NELL1: variants seen among roughly 807,000 people sequenced by gnomAD.
The protein encoded by NELL1 is neural EGFL like 1, also known as protein kinase C-binding protein NELL1.
NELL1 carries 76 observed loss-of-function variants against 107.4 expected under a neutral mutation model. The observed-to-expected ratio is 0.71, with a 90% CI of 0.59 to 0.86. The LOEUF (loss-of-function observed/expected upper bound fraction) is 0.86, where lower values mean the gene tolerates loss of function less well. Ranked by LOEUF, NELL1 falls within the 40% of genes least tolerant of loss-of-function variation. The pLI is 0.00. For missense variants in NELL1, 1,024 were observed against 1,005.5 expected (o/e 1.02, Z -0.25); for synonymous variants, 353 against 341.2 (o/e 1.03, Z -0.38).
At chr11:21,295,739 G>A (rs1373157313) in intron 14 of NELL1, among the ~76,000 whole-genome samples, 1 of 152,008 alleles carries the variant, frequency 6.6e-6, no homozygotes, top group Non-Finnish European at 1.5e-5. Flanking sequence ...TTGGAACTCA[G>A]TGTGGTAAAT....
intron 14 of NELL1, among the ~76,000 whole-genome samples, chr11:21,239,665 G>C (rs1041684715): frequency 4.6e-5 from 7 of 151,974 alleles, no homozygotes; most frequent in African/African-American, 1.4e-4. Context: ...GGAGGTATGA[G>C]GTATCATTAC....
chr11:21,334,053 T>C (rs556522197), intron 14 of NELL1, among the ~76,000 whole-genome samples: 1 of 152,224 alleles, frequency 6.6e-6, no homozygotes, highest in African/African-American at 2.4e-5. Flanking sequence ...ATTTTTAAAT[T>C]AAATCATTGT....
intron 15 of NELL1, among the ~76,000 whole-genome samples, chr11:21,456,713 T>G (rs2133866249): frequency 6.6e-6 from 1 of 152,176 alleles, no homozygotes; most frequent in Non-Finnish European, 1.5e-5. Context: ...CTATACAGAT[T>G]AAAAAATACT....
At chr11:21,538,240 T>G (rs1462474580) in intron 16 of NELL1, among the ~76,000 whole-genome samples, 1 of 152,178 alleles carries the variant, frequency 6.6e-6, no homozygotes, top group East Asian at 1.9e-4. Flanking sequence ...CATGTCACTC[T>G]ATGTCACTTT....
chr11:21,203,668 G>C (rs61251877), intron 13 of NELL1, among the ~76,000 whole-genome samples: 1 of 151,846 alleles, frequency 6.6e-6, no homozygotes, highest in Non-Finnish European at 1.5e-5. Context: ...ATGCTAGATG[G>C]GTATTTTTCC....
At chr11:21,326,859 A>G (rs1156472195) in intron 14 of NELL1, among the ~76,000 whole-genome samples, 1 of 151,706 alleles carries the variant, frequency 6.6e-6, no homozygotes, top group African/African-American at 2.4e-5. Context: ...TGGTTAATCT[A>G]TTTGCATTTA....
chr11:21,445,840 T>C (rs1028223376), intron 15 of NELL1, among the ~76,000 whole-genome samples: 1 of 152,200 alleles, frequency 6.6e-6, no homozygotes, highest in Non-Finnish European at 1.5e-5. Context: ...TAAAAGTGTC[T>C]TGTTGTTTTC....
chr11:20,747,286 C>T (rs1856026256), intron 2 of NELL1, among the ~76,000 whole-genome samples: 1 of 152,124 alleles, frequency 6.6e-6, no homozygotes, highest in African/African-American at 2.4e-5. Flanking sequence ...ACAGAATGTG[C>T]TGAATCTTTT....
At chr11:21,488,671 C>T (rs540996439) in intron 15 of NELL1, among the ~76,000 whole-genome samples, 202 of 152,170 alleles carry the variant, frequency 1.3e-3, no homozygotes, top group African/African-American at 4.7e-3. Context: ...AATTAAACAA[C>T]GTATTCCTAA....
At chr11:21,123,276 G>T (rs1178318926) in intron 13 of NELL1, among the ~76,000 whole-genome samples, 1 of 151,690 alleles carries the variant, frequency 6.6e-6, no homozygotes, top group Non-Finnish European at 1.5e-5. Flanking sequence ...GTAGTACTTG[G>T]ATAACTTACA....
At chr11:21,300,835 T>C (rs933406813) in intron 14 of NELL1, among the ~76,000 whole-genome samples, 4 of 152,124 alleles carry the variant, frequency 2.6e-5, no homozygotes, top group Non-Finnish European at 5.9e-5. Flanking sequence ...ACATGTCCCA[T>C]GTTGGCATGC....
At chr11:21,372,236 T>C (rs952471256) in intron 15 of NELL1, among the ~76,000 whole-genome samples, 1 of 151,992 alleles carries the variant, frequency 6.6e-6, no homozygotes, top group Non-Finnish European at 1.5e-5. Flanking sequence ...AGGACACATG[T>C]CTTTACTGAA....
In NELL1 at chr11:20,960,429, T is replaced by C. The variant is rs1851266829; in HGVS notation, c.1172-3T>C. The stretch of plus-strand genomic sequence containing the variant: ...GATGTACGTTTTTATTTGTTTTTTC[T>C]AGGTCATAACTTTTGTGCAGAAGGA... On this transcript the variant is annotated splice_polypyrimidine_tract_variant and splice_region_variant and intron_variant, in intron 11 of 19. Transcript: ENST00000357134. 6.2e-7 allele frequency: 1 copy of C among 1,612,646 alleles called. No homozygotes were observed. Among genetic ancestry groups the C allele is most frequent in the Admixed American group, 1.7e-5 (1 of 59,654 alleles).
At position 20,785,611 on chromosome 11, in the gene NELL1, G is replaced by GA. The variant is rs563265978; in HGVS notation, c.335+1784dup. ...TTCCCACAGCAGGTGAGAAGCATGT[G>GA]AAACAGTTGCTATTATATTAGAAAG... On this transcript the variant is annotated intron_variant, in intron 3 of 19. Transcript: ENST00000357134. Among the ~76,000 whole-genome samples the GA allele has an allele frequency of 7.7e-4, 117 of 152,356 alleles. No homozygotes were observed. In the Middle Eastern group the frequency reaches 0.027, roughly 35 times the overall value.
At chr11:20,895,977 T>G (rs1391952942) in intron 5 of NELL1, among the ~76,000 whole-genome samples, 1 of 152,160 alleles carries the variant, frequency 6.6e-6, no homozygotes, top group Non-Finnish European at 1.5e-5. Flanking sequence ...TGGTGTTTAT[T>G]TTTTATATTT....
At chr11:21,037,314 C>T (rs1026471747) in intron 12 of NELL1, among the ~76,000 whole-genome samples, 10 of 152,048 alleles carry the variant, frequency 6.6e-5, no homozygotes, top group Non-Finnish European at 1.2e-4. Context: ...CTTCTAAGTG[C>T]ATTTGGGAAC....
At chr11:20,801,367 G>T (rs1372994272) in intron 3 of NELL1, among the ~76,000 whole-genome samples, 1 of 152,154 alleles carries the variant, frequency 6.6e-6, no homozygotes, top group Non-Finnish European at 1.5e-5. Flanking sequence ...AGAATGCAAA[G>T]CCCCATCTGA....
intron 6 of NELL1, 143 bp from the exon 7 acceptor site, chr11:20,919,109 G>C (rs759423667): frequency 2.3e-6 from 1 of 430,840 alleles, no homozygotes; most frequent in Non-Finnish European, 4.1e-6. Context: ...GAAATCCTCT[G>C]TGATTTCACT....
chr11:21,186,659 A>G (rs542463544), intron 13 of NELL1, among the ~76,000 whole-genome samples: 1 of 151,832 alleles, frequency 6.6e-6, no homozygotes, highest in Non-Finnish European at 1.5e-5. Context: ...TCTTATGTCC[A>G]ATATTCTTGA....
Sources: gnomAD v4.1 joint callset for allele counts (sites outside exome capture counted in the v4.1 genomes callset) on GRCh38, gnomAD v4.1.1 for gene constraint, MANE v1.5 for transcripts, NCBI Gene and HGNC (gene_info 2026-07-23, HGNC 2026-07-21) for gene names.